ADK: variants seen among roughly 807,000 people sequenced by gnomAD.
ADK encodes the protein adenosine kinase, also known as N6,N6-dimethyladenosine kinase.
A neutral mutation model predicts 44.7 loss-of-function variants in ADK; 24 were observed. That is an observed-to-expected ratio of 0.54 (90% CI 0.39 to 0.76). The LOEUF is 0.76. ADK is among the 30% of genes least tolerant of loss of function. ADK has a pLI of 0.00. For synonymous variants in ADK, 128 were observed against 142.6 expected (o/e 0.90, Z 0.73); for missense variants, 321 against 425.1 (o/e 0.76, Z 2.15).
intron 1 of ADK, among the ~76,000 whole-genome samples, chr10:74,189,515 T>C (rs908922898): frequency 1.3e-5 from 2 of 152,230 alleles, no homozygotes; most frequent in African/African-American, 4.8e-5. Context: ...ATACGGTGTA[T>C]ACTGCAGTTA....
At chr10:74,312,468 G>A (rs1592030139) in intron 3 of ADK, among the ~76,000 whole-genome samples, 1 of 147,368 alleles carries the variant, frequency 6.8e-6, no homozygotes, top group East Asian at 2.0e-4. Flanking sequence ...AGAATTTATA[G>A]CACCAAGACA....
chr10:74,388,993 G>T (rs111740077), intron 4 of ADK, among the ~76,000 whole-genome samples: 1 of 152,168 alleles, frequency 6.6e-6, no homozygotes, highest in South Asian at 2.1e-4. Flanking sequence ...CAGAGTACCT[G>T]CATGATGTCA....
intron 3 of ADK, among the ~76,000 whole-genome samples, chr10:74,292,941 C>A (rs12261051): frequency 6.6e-6 from 1 of 151,974 alleles, no homozygotes; most frequent in Middle Eastern, 3.4e-3. Context: ...TAATGACACT[C>A]TAATAAAAAT....
chr10:74,420,544 T>A (rs143638620), intron 6 of ADK, among the ~76,000 whole-genome samples: 341 of 152,310 alleles, frequency 2.2e-3, no homozygotes, highest in African/African-American at 7.8e-3. Flanking sequence ...AATATTTTTA[T>A]GACCAAAGCT....
chr10:74,642,996 T>A (rs1017485739), intron 9 of ADK, among the ~76,000 whole-genome samples: 3 of 151,858 alleles, frequency 2.0e-5, no homozygotes, highest in African/African-American at 4.8e-5. Flanking sequence ...TGTGCCACCA[T>A]ATCTGGCTAA....
intron 3 of ADK, among the ~76,000 whole-genome samples, chr10:74,261,802 G>A (rs1216901327): frequency 6.8e-6 from 1 of 148,084 alleles, no homozygotes; most frequent in Non-Finnish European, 1.5e-5. Context: ...TTTCCTCCTG[G>A]TATTCTGGCA....
At chr10:74,591,842 C>T (rs1851734055) in intron 8 of ADK, among the ~76,000 whole-genome samples, 1 of 152,000 alleles carries the variant, frequency 6.6e-6, no homozygotes, top group Non-Finnish European at 1.5e-5. Context: ...GCTGTCCTAC[C>T]CTCATTTTCT....
At chr10:74,438,890 CTT>C (rs1343922585) in intron 6 of ADK, among the ~76,000 whole-genome samples, 1 of 152,112 alleles carries the variant, frequency 6.6e-6, no homozygotes, top group Non-Finnish European at 1.5e-5. Flanking sequence ...TCAAAAAACT[CTT>C]TTATATGTTC....
chr10:74,315,758 G>A (rs1038900661), intron 4 of ADK, among the ~76,000 whole-genome samples: 1 of 152,162 alleles, frequency 6.6e-6, no homozygotes, highest in African/African-American at 2.4e-5. Context: ...GAGACATATA[G>A]TATGATTATT....
chr10:74,706,884 A>C lies in ADK; in HGVS notation c.965-1437A>C, dbSNP rs544883781. Reference sequence around the variant, plus strand: ...ACCTTTGAACACTTTATGTCTATTTATTTAGGCTTCTTTTATATTTCTCAG... The same window carrying C: ...ACCTTTGAACACTTTATGTCTATTTCTTTAGGCTTCTTTTATATTTCTCAG... On this transcript the variant is annotated intron_variant, in intron 10 of 10. Coordinates refer to ENST00000539909, the MANE Select transcript of ADK (RefSeq NM_006721.4). Among the ~76,000 whole-genome samples, 5 of 152,236 alleles carry C rather than the reference A, an allele frequency of 3.3e-5. No individual in the cohort carries two copies. In the South Asian group the frequency reaches 1.0e-3, roughly 32 times the overall value.
chr10:74,501,763 T>C (rs1847892520), intron 6 of ADK, among the ~76,000 whole-genome samples: 1 of 152,166 alleles, frequency 6.6e-6, no homozygotes, highest in Non-Finnish European at 1.5e-5. Flanking sequence ...GGATCACATA[T>C]TGTATGATTC....
chr10:74,427,683 G>C (rs939200224), intron 6 of ADK, among the ~76,000 whole-genome samples: 1 of 151,876 alleles, frequency 6.6e-6, no homozygotes, highest in African/African-American at 2.4e-5. Flanking sequence ...GTGTGTGTAT[G>C]TATCTGTTGA....
intron 1 of ADK, among the ~76,000 whole-genome samples, chr10:74,183,531 A>T (rs371405705): frequency 6.7e-6 from 1 of 149,468 alleles, no homozygotes; most frequent in South Asian, 2.1e-4. Context: ...TTTTTTTGAG[A>T]TGGAGTTTTG....
chr10:74,548,007 C>T (rs187760280), intron 7 of ADK, among the ~76,000 whole-genome samples: 12 of 151,312 alleles, frequency 7.9e-5, no homozygotes, highest in Admixed American at 3.3e-4. Flanking sequence ...TTGGCCATGA[C>T]GGTCTCGATC....
At chr10:74,667,143 A>G (rs1854989217) in intron 9 of ADK, among the ~76,000 whole-genome samples, 1 of 152,018 alleles carries the variant, frequency 6.6e-6, no homozygotes, top group Non-Finnish European at 1.5e-5. Flanking sequence ...GACTTTTTAT[A>G]ATAGATCTGT....
chr10:74,397,331 A>C (rs1411043148), intron 5 of ADK, among the ~76,000 whole-genome samples: 1 of 151,852 alleles, frequency 6.6e-6, no homozygotes, highest in Non-Finnish European at 1.5e-5. Context: ...GTAATCGAAC[A>C]TATTACCAAA....
intron 2 of ADK, among the ~76,000 whole-genome samples, chr10:74,209,899 A>C (rs1843744470): frequency 6.6e-6 from 1 of 152,148 alleles, no homozygotes; most frequent in Admixed American, 6.6e-5. Context: ...ATTAATAGGG[A>C]TGAAAAAGGC....
intron 1 of ADK, among the ~76,000 whole-genome samples, chr10:74,180,228 TATTATTGTTATTATTA>T (rs953951480): frequency 3.7e-5 from 4 of 107,812 alleles, no homozygotes; most frequent in Non-Finnish European, 6.8e-5. Context: ...TTATTATTAT[TATTATTGTTATTATTA>T]ATTATTATTT....
At chr10:74,416,736 A>G (rs998306473) in intron 6 of ADK, among the ~76,000 whole-genome samples, 8 of 151,780 alleles carry the variant, frequency 5.3e-5, no homozygotes, top group South Asian at 2.1e-4. Context: ...CTTTCAAAGT[A>G]TTTGTTTCTG....
Sources: gnomAD v4.1 joint callset for allele counts (sites outside exome capture counted in the v4.1 genomes callset) on GRCh38, gnomAD v4.1.1 for gene constraint, MANE v1.5 for transcripts, NCBI Gene and HGNC (gene_info 2026-07-23, HGNC 2026-07-21) for gene names.